Variants in FSTL5 observed in about 807,000 individuals in gnomAD.
The protein encoded by FSTL5 is follistatin like 5, also known as follistatin-related protein 5.
Under a neutral mutation model 89.1 loss-of-function variants are expected in FSTL5, and 62 were observed. The ratio of observed to expected loss-of-function variants is 0.70; its 90% CI spans 0.57 to 0.86. FSTL5 has a LOEUF of 0.86. FSTL5 is among the 40% of genes least tolerant of loss of function. The probability of loss-of-function intolerance (pLI) is 0.00; values close to 1 mark genes in which losing one functional copy is unlikely to be tolerated. For missense variants in FSTL5, 1,057 were observed against 1,001.6 expected (o/e 1.06, Z -0.75); for synonymous variants, 383 against 346.2 (o/e 1.11, Z -1.18).
At chr4:161,883,173 C>G (rs938373331) in intron 4 of FSTL5, among the ~76,000 whole-genome samples, 9 of 152,116 alleles carry the variant, frequency 5.9e-5, no homozygotes, top group African/African-American at 2.2e-4. Context: ...AAAATAAACT[C>G]TAAAACAGCA....
At chr4:161,686,959 T>C (rs1161597204) in intron 6 of FSTL5, among the ~76,000 whole-genome samples, 1 of 152,194 alleles carries the variant, frequency 6.6e-6, no homozygotes, top group Non-Finnish European at 1.5e-5. Context: ...AATGATCCTA[T>C]GTTTCTCTGG....
intron 6 of FSTL5, among the ~76,000 whole-genome samples, chr4:161,682,982 T>C (rs1737578553): frequency 6.6e-6 from 1 of 152,066 alleles, no homozygotes; most frequent in Admixed American, 6.6e-5. Flanking sequence ...CCTGACCTCG[T>C]GATCCACCCA....
At chr4:161,775,501 G>A (rs1741377011) in intron 5 of FSTL5, among the ~76,000 whole-genome samples, 1 of 152,094 alleles carries the variant, frequency 6.6e-6, no homozygotes, top group South Asian at 2.1e-4. Context: ...TTGTTCGGTA[G>A]TGCCCTTGAA....
chr4:161,508,381 C>A (rs1730547686), intron 11 of FSTL5, among the ~76,000 whole-genome samples: 1 of 152,026 alleles, frequency 6.6e-6, no homozygotes, highest in South Asian at 2.1e-4. Flanking sequence ...GAAAAAAAGA[C>A]TTTAATAATT....
At position 161,779,799 on chromosome 4, in the gene FSTL5, A is replaced by ATATATATG. The variant is rs1560840984; in HGVS notation, c.410-3726_410-3725insCATATATA. 2.6e-3 allele frequency among the ~76,000 whole-genome samples: 104 copies of ATATATATG among 39,992 alleles called. 2 individuals carry two copies. The highest frequency in any genetic ancestry group is 4.2e-3 in the South Asian group (5 of 1,194). 26.2% of individuals were successfully genotyped at this position (39,992 alleles called of 152,430 possible). A position where few individuals can be genotyped will look rare whatever the true frequency, so the allele number is the denominator to read the frequency against. ...TGTATATATATATATATATATATAT[A>ATATATATG]TATATATATATGTATATATATATAT... On this transcript the variant is annotated intron_variant, in intron 4 of 15. Coordinates refer to ENST00000306100, the MANE Select transcript of FSTL5 (RefSeq NM_020116.5).
chr4:161,553,272 G>A (rs1009035720), intron 8 of FSTL5, among the ~76,000 whole-genome samples: 1 of 150,998 alleles, frequency 6.6e-6, no homozygotes, highest in African/African-American at 2.4e-5. Context: ...AATTTATTAT[G>A]TATATATTAA....
intron 13 of FSTL5, among the ~76,000 whole-genome samples, chr4:161,466,210 T>A (rs906234152): frequency 6.6e-6 from 1 of 152,252 alleles, no homozygotes; most frequent in African/African-American, 2.4e-5. Flanking sequence ...TGAGATTTTT[T>A]ATTTCTTTTG....
At chr4:161,619,999 C>T (rs1400090237) in intron 7 of FSTL5, among the ~76,000 whole-genome samples, 2 of 151,930 alleles carry the variant, frequency 1.3e-5, no homozygotes, top group Non-Finnish European at 2.9e-5. Context: ...CCATGGAATA[C>T]CATGCAGCCA....
intron 2 of FSTL5, among the ~76,000 whole-genome samples, chr4:162,067,302 C>A (rs1273922433): frequency 6.6e-6 from 1 of 152,076 alleles, no homozygotes; most frequent in Non-Finnish European, 1.5e-5. Flanking sequence ...ATCTGCCTGC[C>A]TTGGCCTCCC....
intron 4 of FSTL5, among the ~76,000 whole-genome samples, chr4:161,835,518 C>T (rs1731008921): frequency 6.6e-6 from 1 of 152,062 alleles, no homozygotes; most frequent in African/African-American, 2.4e-5. Context: ...GAACAGGCAA[C>T]CTACAACATG....
chr4:161,861,929 T>G (rs1373998238), intron 4 of FSTL5, among the ~76,000 whole-genome samples: 1 of 152,214 alleles, frequency 6.6e-6, no homozygotes, highest in Non-Finnish European at 1.5e-5. Flanking sequence ...AAAAGTAATG[T>G]AACATCATTA....
chr4:162,010,229 C>T (rs1340540752), intron 3 of FSTL5, among the ~76,000 whole-genome samples: 5 of 151,778 alleles, frequency 3.3e-5, no homozygotes, highest in Non-Finnish European at 7.4e-5. Context: ...CATTGGTATA[C>T]CTATGAAATT....
chr4:161,473,938 C>T (rs1474654512), intron 13 of FSTL5, among the ~76,000 whole-genome samples: 2 of 152,016 alleles, frequency 1.3e-5, no homozygotes, highest in Non-Finnish European at 2.9e-5. Flanking sequence ...ATAATGTAAG[C>T]CATTTATATT....
intron 1 of FSTL5, among the ~76,000 whole-genome samples, chr4:162,136,797 T>A (rs957716482): frequency 5.9e-5 from 9 of 152,026 alleles, no homozygotes; most frequent in Non-Finnish European, 1.3e-4. Flanking sequence ...AAATAAGGTT[T>A]GGAAATGCTG....
At chr4:161,906,524 A>G (rs568512955) in intron 4 of FSTL5, among the ~76,000 whole-genome samples, 40 of 152,134 alleles carry the variant, frequency 2.6e-4, no homozygotes, top group Non-Finnish European at 4.7e-4. Context: ...ATCCCTGCCC[A>G]GCCTCTTCAA....
chr4:161,464,496 G>A (rs1380495073), intron 13 of FSTL5, among the ~76,000 whole-genome samples: 2 of 152,012 alleles, frequency 1.3e-5, no homozygotes, highest in African/African-American at 2.4e-5. Flanking sequence ...TTGCTCCGCA[G>A]TTTTACATTT....
chr4:161,890,516 C>T lies in FSTL5; in HGVS notation c.409+29888G>A, dbSNP rs1204442649. 5.9e-5 allele frequency among the ~76,000 whole-genome samples: 9 copies of T among 151,796 alleles called. No individual in the cohort carries two copies. In the South Asian group the frequency reaches 1.0e-3, roughly 18 times the overall value. ...CAGCCTGGCCAACATGGTGAAACCC[C>T]GTCTCTACTAAAAATACAAAAATTA... On this transcript the variant is annotated intron_variant, in intron 4 of 15. Transcript: ENST00000306100.
chr4:161,705,952 GTATATATATATATATATATATATATATA>G (rs1206067350), intron 6 of FSTL5, among the ~76,000 whole-genome samples: 2 of 30,662 alleles, frequency 6.5e-5, no homozygotes, highest in African/African-American at 2.9e-4. Flanking sequence ...GTAGATGTGT[GTATATATATATATATATATATATATATA>G]TATATATATA....
rs1419272449 is a variant in FSTL5 at position 161,781,040 on chromosome 4, GA to G, written c.410-4967del. Among the ~76,000 whole-genome samples the G allele has an allele frequency of 4.6e-5, 7 of 152,016 alleles. No homozygotes were observed. The East Asian group carries it at 5.8e-4, about 13-fold the overall frequency. ...TAAGCTGAAATCTTAGAAACTCAAA[GA>G]ATAAAAATGTTTTTATTTAGAATAA... On this transcript the variant is annotated intron_variant, in intron 4 of 15. Coordinates refer to ENST00000306100, the MANE Select transcript of FSTL5 (RefSeq NM_020116.5).
Sources: gnomAD v4.1 joint callset for allele counts (sites outside exome capture counted in the v4.1 genomes callset) on GRCh38, gnomAD v4.1.1 for gene constraint, MANE v1.5 for transcripts, NCBI Gene and HGNC (gene_info 2026-07-23, HGNC 2026-07-21) for gene names.